Variants in PLCL2 observed in about 807,000 individuals in gnomAD.
PLCL2 encodes the protein inactive phospholipase C-like protein 2.
In PLCL2, 4 loss-of-function variants were observed where a neutral mutation model predicts 79.6. The observed-to-expected ratio is 0.05, with a 90% CI of 0.02 to 0.11. The LOEUF (loss-of-function observed/expected upper bound fraction) is 0.11. Ranked by LOEUF, PLCL2 falls within the 10% of genes least tolerant of loss-of-function variation. PLCL2 has a pLI of 1.00. For missense variants in PLCL2, 895 were observed against 1,291.0 expected, an observed-to-expected ratio of 0.69 and a Z score of 4.70; for synonymous variants, 484 against 457.7, an observed-to-expected ratio of 1.06 and a Z score of -0.73.
rs1484454748 is a variant in PLCL2 at position 17,010,822 on chromosome 3, T to C, written c.1476T>C (p.Ser492=). 1 of 1,614,162 alleles carries C rather than the reference T, an allele frequency of 6.2e-7. No individual in the cohort carries two copies. Among genetic ancestry groups the C allele is most frequent in the East Asian group, 2.2e-5 (1 of 44,876 alleles). The change falls in exon 2 of 6, where the codon TCT becomes TCC. Residue 492 remains serine, a synonymous_variant. Transcript: ENST00000615277. The surrounding 1 kb of genome is among the most constrained non-coding windows in gnomAD (Gnocchi z 5.8). ...PVIYTGHTMT[S]QIVFRSVIDI... Reference sequence around the variant, plus strand: ...TTTACACAGGCCACACCATGACCTCTCAGATAGTTTTCCGCAGTGTCATTG... The same window carrying C: ...TTTACACAGGCCACACCATGACCTCCCAGATAGTTTTCCGCAGTGTCATTG...
chr3:16,910,446 G>A (rs565585964), intron 1 of PLCL2, among the ~76,000 whole-genome samples: 77 of 151,980 alleles, frequency 5.1e-4, no homozygotes, highest in African/African-American at 1.8e-3. Flanking sequence ...CACTTACTTC[G>A]CTTGGCTTCC....
intron 4 of PLCL2, among the ~76,000 whole-genome samples, chr3:17,048,532 C>T (rs1482944717): frequency 6.6e-6 from 1 of 152,182 alleles, no homozygotes; most frequent in East Asian, 1.9e-4. Context: ...AACTTATGCA[C>T]ACACTTAAAG....
At chr3:16,952,318 A>C (rs2063661174) in intron 1 of PLCL2, among the ~76,000 whole-genome samples, 1 of 140,256 alleles carries the variant, frequency 7.1e-6, no homozygotes, top group African/African-American at 2.6e-5. Context: ...ATACCTATGT[A>C]GCAAACCTGC....
intron 3 of PLCL2, among the ~76,000 whole-genome samples, chr3:17,018,917 T>G (rs1001798311): frequency 3.3e-5 from 5 of 152,196 alleles, no homozygotes; most frequent in African/African-American, 1.2e-4. Flanking sequence ...TGAGGTAATA[T>G]AAAGATGAAA....
chr3:17,024,855 G>A (rs932666627), intron 3 of PLCL2, among the ~76,000 whole-genome samples: 2 of 152,184 alleles, frequency 1.3e-5, no homozygotes, highest in African/African-American at 2.4e-5. Flanking sequence ...TGTGCTGTGG[G>A]CACAGAGGCG....
chr3:16,948,990 T>G (rs779954034), intron 1 of PLCL2, among the ~76,000 whole-genome samples: 3 of 152,358 alleles, frequency 2.0e-5, no homozygotes, highest in Middle Eastern at 3.4e-3. Flanking sequence ...ACAACGCAAC[T>G]GTTGGGTGCA....
intron 1 of PLCL2, among the ~76,000 whole-genome samples, chr3:16,977,693 T>C (rs2063941097): frequency 6.6e-6 from 1 of 152,218 alleles, no homozygotes. Context: ...GTAATACTCA[T>C]TGGAGCCTCC....
At chr3:16,891,116 T>C (rs1319659984) in intron 1 of PLCL2, among the ~76,000 whole-genome samples, 1 of 152,190 alleles carries the variant, frequency 6.6e-6, no homozygotes, top group African/African-American at 2.4e-5. Flanking sequence ...AGGCCACATG[T>C]TGCGTATCTG....
chr3:16,999,272 G>A (rs1202515011), intron 1 of PLCL2, among the ~76,000 whole-genome samples: 2 of 152,092 alleles, frequency 1.3e-5, no homozygotes, highest in African/African-American at 4.8e-5. Context: ...CATACGTTTG[G>A]TTGTGCATCA....
intron 1 of PLCL2, among the ~76,000 whole-genome samples, chr3:16,930,217 A>G (rs1254505442): frequency 6.6e-6 from 1 of 152,192 alleles, no homozygotes; most frequent in Non-Finnish European, 1.5e-5. Context: ...ATTTAACTTG[A>G]GAAAGCAACC....
intron 4 of PLCL2, among the ~76,000 whole-genome samples, chr3:17,062,720 T>G (rs113749190): frequency 0.015 from 2,272 of 152,350 alleles, 70 homozygotes; most frequent in African/African-American, 0.052. Flanking sequence ...TATACAAATT[T>G]AGGATACAAA....
chr3:16,934,006 G>A (rs1274883339), intron 1 of PLCL2, among the ~76,000 whole-genome samples: 2 of 152,160 alleles, frequency 1.3e-5, no homozygotes, highest in Non-Finnish European at 2.9e-5. Flanking sequence ...GGCGGAGGTT[G>A]CAGTGAGCCC....
intron 1 of PLCL2, among the ~76,000 whole-genome samples, chr3:16,965,005 G>A (rs1040885902): frequency 1.3e-4 from 19 of 151,766 alleles, no homozygotes; most frequent in Admixed American, 3.3e-4. Context: ...CTTTTGCTGT[G>A]CAGAAGCTCT....
intron 1 of PLCL2, among the ~76,000 whole-genome samples, chr3:16,955,456 T>C (rs1018573319): frequency 1.3e-5 from 2 of 152,192 alleles, no homozygotes; most frequent in African/African-American, 4.8e-5. Flanking sequence ...TGAAGTCAGG[T>C]AGCGTGATGC....
chr3:17,036,034 T>C (rs893246641), intron 3 of PLCL2, among the ~76,000 whole-genome samples: 6 of 152,184 alleles, frequency 3.9e-5, no homozygotes, highest in African/African-American at 1.2e-4. Flanking sequence ...ATAAGAAACC[T>C]AGGACAAGTT....
chr3:16,933,257 C>T (rs1034072337), intron 1 of PLCL2: 1 of 154,814 alleles, frequency 6.5e-6, no homozygotes, highest in Non-Finnish European at 1.5e-5. Context: ...ACCGCTGCCA[C>T]CTCTCCACAG....
chr3:17,022,976 C>T (rs1240364067), intron 3 of PLCL2, among the ~76,000 whole-genome samples: 1 of 152,198 alleles, frequency 6.6e-6, no homozygotes, highest in Non-Finnish European at 1.5e-5. Context: ...GACTTTCTCT[C>T]TTTCCCCCTC....
At chr3:17,028,567 C>T (rs1259110649) in intron 3 of PLCL2, among the ~76,000 whole-genome samples, 1 of 151,852 alleles carries the variant, frequency 6.6e-6, no homozygotes, top group Non-Finnish European at 1.5e-5. Context: ...GCCTCTGCCT[C>T]CTGGGCTCAA....
intron 1 of PLCL2, among the ~76,000 whole-genome samples, chr3:16,955,968 C>A (rs1377874259): frequency 6.6e-6 from 1 of 152,200 alleles, no homozygotes; most frequent in African/African-American, 2.4e-5. Context: ...ATCATGTCAT[C>A]TGCAAACAGG....
Sources: gnomAD v4.1 joint callset for allele counts (sites outside exome capture counted in the v4.1 genomes callset) on GRCh38, gnomAD v4.1.1 for gene constraint, Gnocchi (gnomAD v3.1) non-coding constraint, MANE v1.5 for transcripts, NCBI Gene and HGNC (gene_info 2026-07-23, HGNC 2026-07-21) for gene names.